The following TSPAN3 variants were observed in gnomAD, a reference collection of about 807,000 sequenced individuals.
TSPAN3 encodes tetraspanin 3, also known as tetraspanin-3.
TSPAN3 carries 9 observed loss-of-function variants against 31.1 expected under a neutral mutation model. That is an observed-to-expected ratio of 0.29 (90% CI 0.17 to 0.50). The LOEUF (loss-of-function observed/expected upper bound fraction) is 0.50. TSPAN3 is among the 20% of genes least tolerant of loss of function. The pLI, the probability that TSPAN3 is intolerant of heterozygous loss-of-function variation, is 0.98. For synonymous variants in TSPAN3, 129 were observed against 114.3 expected (o/e 1.13, Z -0.82); for missense variants, 252 against 313.5 (o/e 0.80, Z 1.48).
intron 1 of TSPAN3, chr15:77,068,173 C>T (rs2076845028): frequency 6.6e-6 from 1 of 152,162 alleles, no homozygotes; most frequent in Non-Finnish European, 1.5e-5. Flanking sequence ...AATGCTGTTT[C>T]CTCATTAGCT....
intron 1 of TSPAN3, among the ~76,000 whole-genome samples, chr15:77,065,107 C>G (rs1484883912): frequency 1.3e-5 from 2 of 152,202 alleles, no homozygotes; most frequent in African/African-American, 4.8e-5. Context: ...CCCCAGTCTC[C>G]CAATCTCTTC....
Position 77,046,740 on chromosome 15 carries a change from TAACTA to T in TSPAN3, c.*90_*94del. On this transcript the variant is annotated 3_prime_UTR_variant, in exon 7 of 7. Transcript: ENST00000267970. ...GTCCAACACCAGTGTACATGTGCTT[TAACTA>T]AATGAACTCCAGAGGCCAACAGCAG... The T allele has an allele frequency of 1.1e-6, 1 of 916,062 alleles. No homozygotes were observed. Among genetic ancestry groups the T allele is most frequent in the East Asian group, 2.6e-5 (1 of 38,038 alleles). 56.7% of individuals were successfully genotyped at this position (916,062 alleles called of 1,614,324 possible). A position where few individuals can be genotyped will look rare whatever the true frequency, so the allele number is the denominator to read the frequency against.
At chr15:77,048,972 T>G (rs1188152882) in intron 6 of TSPAN3, among the ~76,000 whole-genome samples, 1 of 152,170 alleles carries the variant, frequency 6.6e-6, no homozygotes, top group African/African-American at 2.4e-5. Flanking sequence ...CTATCAAAAT[T>G]CATTCATACA....
At chr15:77,056,920 T>C (rs1340151823) in intron 1 of TSPAN3, among the ~76,000 whole-genome samples, 2 of 152,206 alleles carry the variant, frequency 1.3e-5, no homozygotes, top group East Asian at 1.9e-4. Flanking sequence ...AACAAGCAGA[T>C]TGATTCAGGA....
At chr15:77,063,585 G>C (rs1259309515) in intron 1 of TSPAN3, 1 of 151,950 alleles carries the variant, frequency 6.6e-6, no homozygotes, top group Non-Finnish European at 1.5e-5. Context: ...TCTTAAATTA[G>C]AAATATTTTA....
At chr15:77,066,807 G>A (rs1292077166) in intron 1 of TSPAN3, among the ~76,000 whole-genome samples, 6 of 152,026 alleles carry the variant, frequency 3.9e-5, no homozygotes, top group Non-Finnish European at 8.8e-5. Flanking sequence ...GTGAGAAACT[G>A]TCTTAGTCTG....
At chr15:77,047,085 A>G (rs544556958) in intron 6 of TSPAN3, among the ~76,000 whole-genome samples, 158 bp from the exon 7 acceptor site, 5 of 152,352 alleles carry the variant, frequency 3.3e-5, no homozygotes, top group Non-Finnish European at 5.9e-5. Flanking sequence ...TTATGAGTAC[A>G]TTATTTTTTA....
At chr15:77,055,383 C>A in intron 3 of TSPAN3, 1 of 158,516 alleles carries the variant, frequency 6.3e-6, no homozygotes, top group Admixed American at 6.2e-5. Context: ...TCACAACTCA[C>A]AACACCTTTT....
intron 1 of TSPAN3, among the ~76,000 whole-genome samples, chr15:77,062,812 C>G (rs377601192): frequency 1.3e-5 from 2 of 152,254 alleles, no homozygotes; most frequent in East Asian, 1.9e-4. Context: ...CCCTGGTATT[C>G]AGAGGTGTGT....
At chr15:77,063,045 T>C (rs771900857) in intron 1 of TSPAN3, among the ~76,000 whole-genome samples, 1 of 152,210 alleles carries the variant, frequency 6.6e-6, no homozygotes, top group Non-Finnish European at 1.5e-5. Flanking sequence ...ATAGTTAAAA[T>C]TATGTCTGAA....
intron 4 of TSPAN3, among the ~76,000 whole-genome samples, chr15:77,053,263 A>G (rs1012692394): frequency 6.6e-6 from 1 of 151,998 alleles, no homozygotes; most frequent in Non-Finnish European, 1.5e-5. Context: ...TGGGAGGCCG[A>G]GATGGGCGAG....
chr15:77,051,882 G>C (rs1456024153), intron 6 of TSPAN3, among the ~76,000 whole-genome samples: 2 of 152,000 alleles, frequency 1.3e-5, no homozygotes, highest in East Asian at 3.8e-4. Flanking sequence ...GTTGTGTTTA[G>C]TGCAAGAGAC....
At chr15:77,055,015 G>C (rs1049899473) in intron 3 of TSPAN3, 1 of 151,878 alleles carries the variant, frequency 6.6e-6, no homozygotes, top group East Asian at 1.9e-4. Flanking sequence ...CATAGGTAGG[G>C]ACATAATCCA....
chr15:77,068,550 T>C (rs556949160), intron 1 of TSPAN3, among the ~76,000 whole-genome samples: 1 of 152,260 alleles, frequency 6.6e-6, no homozygotes, highest in Admixed American at 6.5e-5. Context: ...TTCTTCAAAA[T>C]CAAATAGTTA....
chr15:77,047,030 T>C, intron 6 of TSPAN3, 103 bp from the exon 7 acceptor site: 1 of 825,790 alleles, frequency 1.2e-6, no homozygotes, highest in South Asian at 1.6e-5. Flanking sequence ...TTCAATGACT[T>C]CAAATCATCA....
At position 77,042,644 on chromosome 15, in the gene TSPAN3, G is replaced by A. The variant is rs1178662232; in HGVS notation, c.*4191C>T. The A allele has an allele frequency of 6.6e-6, 1 of 151,972 alleles. No homozygotes were observed. 9.4% of individuals were successfully genotyped at this position (151,972 alleles called of 1,614,324 possible). ...ATATATGAAAATAAATGAAGGAGAA[G>A]GGAGGGATGACTGGCAAATGAGGAA... On this transcript the variant is annotated 3_prime_UTR_variant, in exon 7 of 7. Transcript: ENST00000267970.
chr15:77,054,707 A>G (rs2076756757), intron 3 of TSPAN3: 1 of 153,082 alleles, frequency 6.5e-6, no homozygotes, highest in Non-Finnish European at 1.5e-5. Flanking sequence ...AAATGCCAAC[A>G]TTATTTCCAT....
chr15:77,057,994 T>C (rs983211828), intron 1 of TSPAN3, among the ~76,000 whole-genome samples: 3 of 152,174 alleles, frequency 2.0e-5, no homozygotes, highest in Non-Finnish European at 4.4e-5. Flanking sequence ...GTCAAACATC[T>C]GAGGATTAAC....
chr15:77,052,359 A>T, intron 6 of TSPAN3, 26 bp downstream of exon 6: 1 of 1,608,730 alleles, frequency 6.2e-7, no homozygotes, highest in Admixed American at 1.7e-5. Flanking sequence ...TCACTCCGAT[A>T]GAACTCCTTG....
Sources: gnomAD v4.1 joint callset for allele counts (sites outside exome capture counted in the v4.1 genomes callset) on GRCh38, gnomAD v4.1.1 for gene constraint, MANE v1.5 for transcripts, NCBI Gene and HGNC (gene_info 2026-07-23, HGNC 2026-07-21) for gene names.